The following GPR158 variants were observed in gnomAD, a reference collection of about 807,000 sequenced individuals.
GPR158 encodes metabotropic glycine receptor.
In GPR158, 30 loss-of-function variants were observed where a neutral mutation model predicts 78.2. That is an observed-to-expected ratio of 0.38 (90% CI 0.29 to 0.52). The LOEUF is 0.52. Ranked by LOEUF, GPR158 falls within the 20% of genes least tolerant of loss-of-function variation. GPR158 has a pLI of 0.83. For missense variants in GPR158, 1,463 were observed against 1,523.5 expected (o/e 0.96, Z 0.66); for synonymous variants, 581 against 591.1 (o/e 0.98, Z 0.25).
At chr10:25,221,466 A>T (rs534497468) in intron 2 of GPR158, among the ~76,000 whole-genome samples, 10 of 152,362 alleles carry the variant, frequency 6.6e-5, no homozygotes, top group Non-Finnish European at 1.3e-4. Flanking sequence ...CAGTCCCAGG[A>T]ATGGTCAAAG....
chr10:25,362,004 T>A (rs1449128255), intron 2 of GPR158, among the ~76,000 whole-genome samples: 1 of 151,936 alleles, frequency 6.6e-6, no homozygotes, highest in African/African-American at 2.4e-5. Context: ...TTATTTTTGG[T>A]TGTGTTGTCT....
chr10:25,380,639 A>G (rs1564439455), intron 2 of GPR158, among the ~76,000 whole-genome samples: 1 of 152,168 alleles, frequency 6.6e-6, no homozygotes, highest in Non-Finnish European at 1.5e-5. Flanking sequence ...TGTGTATATT[A>G]GATACTTTAA....
intron 5 of GPR158, among the ~76,000 whole-genome samples, chr10:25,484,599 A>T (rs1286669018): frequency 6.6e-6 from 1 of 152,198 alleles, no homozygotes; most frequent in East Asian, 1.9e-4. Context: ...GTTTGAGTCG[A>T]AAGATAAGAA....
At chr10:25,470,626 T>G (rs1386209659) in intron 5 of GPR158, among the ~76,000 whole-genome samples, 2 of 152,214 alleles carry the variant, frequency 1.3e-5, no homozygotes, top group African/African-American at 2.4e-5. Flanking sequence ...TTATGCATAA[T>G]AATTAGTAAC....
At position 25,521,697 on chromosome 10, in the gene GPR158, A is replaced by G. The variant is rs71495467; in HGVS notation, c.1405-29279A>G. Among the ~76,000 whole-genome samples, 814 of 152,360 alleles carry G rather than the reference A, an allele frequency of 5.3e-3. 5 individuals are homozygous for G. The highest frequency in any genetic ancestry group is 0.01 in the Middle Eastern group (3 of 294). On this transcript the variant is annotated intron_variant, in intron 5 of 10. Transcript: ENST00000376351. ...ATCTGGGGTGAAAGAGCTGCTGGTC[A>G]GTAAAACATGGAACGCTTCATGAAT...
At position 25,600,779 on chromosome 10, in the gene GPR158, A is replaced by G. The variant is rs547647334; in HGVS notation, c.*1505A>G. On this transcript the variant is annotated 3_prime_UTR_variant, in exon 11 of 11. Coordinates refer to ENST00000376351, the MANE Select transcript of GPR158 (RefSeq NM_020752.3). ...GCTCGACATGTAACATGTAAGGTCCATTTGCAAAGCAAAGCAGCCCCCAAA... is the reference window on the plus strand; with the variant it reads ...GCTCGACATGTAACATGTAAGGTCCGTTTGCAAAGCAAAGCAGCCCCCAAA... 6.6e-6 allele frequency: 1 copy of G among 152,486 alleles called. No individual in the cohort carries two copies. The highest frequency in any genetic ancestry group is 1.5e-5 in the Non-Finnish European group (1 of 68,016). The allele number at this position is 152,486 out of a possible 1,614,324, so 9.4% of individuals were successfully genotyped here. A position where few individuals can be genotyped will look rare whatever the true frequency, so the allele number is the denominator to read the frequency against.
intron 5 of GPR158, among the ~76,000 whole-genome samples, chr10:25,511,120 C>T (rs1452419434): frequency 2.0e-5 from 3 of 152,136 alleles, no homozygotes; most frequent in Admixed American, 6.5e-5. Context: ...GGACTTTCCA[C>T]GCTGTTTACA....
At chr10:25,566,789 C>G (rs1423077407) in intron 6 of GPR158, among the ~76,000 whole-genome samples, 2 of 141,462 alleles carry the variant, frequency 1.4e-5, no homozygotes, top group African/African-American at 3.1e-5. Flanking sequence ...AATTCATCCA[C>G]TGACCAAGAA....
At chr10:25,331,857 A>G (rs1855128749) in intron 2 of GPR158, among the ~76,000 whole-genome samples, 1 of 152,210 alleles carries the variant, frequency 6.6e-6, no homozygotes, top group Non-Finnish European at 1.5e-5. Context: ...GAGAGTGACA[A>G]TGGCAGTGTA....
At chr10:25,305,384 G>A (rs1240040311) in intron 2 of GPR158, among the ~76,000 whole-genome samples, 1 of 152,190 alleles carries the variant, frequency 6.6e-6, no homozygotes, top group Non-Finnish European at 1.5e-5. Context: ...ACAAGAGTAA[G>A]ATTACATCAC....
intron 2 of GPR158, among the ~76,000 whole-genome samples, chr10:25,249,559 A>C (rs923739875): frequency 9.2e-5 from 14 of 151,950 alleles, no homozygotes; most frequent in African/African-American, 3.1e-4. Flanking sequence ...TTCTGCATCT[A>C]TTGAGATAAT....
At chr10:25,483,530 G>C (rs1387143565) in intron 5 of GPR158, among the ~76,000 whole-genome samples, 1 of 151,946 alleles carries the variant, frequency 6.6e-6, no homozygotes, top group African/African-American at 2.4e-5. Context: ...TACATGCTGT[G>C]TTACTTTATT....
intron 1 of GPR158, among the ~76,000 whole-genome samples, chr10:25,184,099 G>A (rs1448261804): frequency 1.3e-5 from 2 of 152,128 alleles, no homozygotes; most frequent in Admixed American, 6.6e-5. Context: ...TCTCTTCAAC[G>A]ACAAAGTTCT....
chr10:25,373,662 T>A (rs1431597361), intron 2 of GPR158, among the ~76,000 whole-genome samples: 3 of 151,916 alleles, frequency 2.0e-5, no homozygotes, highest in Non-Finnish European at 4.4e-5. Flanking sequence ...ATTTCCTTTT[T>A]GATTTTTGAG....
intron 5 of GPR158, among the ~76,000 whole-genome samples, chr10:25,488,178 G>A (rs1835758566): frequency 6.6e-6 from 1 of 152,060 alleles, no homozygotes; most frequent in Admixed American, 6.6e-5. Flanking sequence ...CCTCTACCGT[G>A]TCCAACCATT....
chr10:25,266,492 A>T (rs1188626522), intron 2 of GPR158, among the ~76,000 whole-genome samples: 1 of 152,144 alleles, frequency 6.6e-6, no homozygotes, highest in Non-Finnish European at 1.5e-5. Context: ...TTTCTTTCTA[A>T]TGGGATTCGG....
intron 2 of GPR158, among the ~76,000 whole-genome samples, chr10:25,342,305 G>A (rs980808226): frequency 6.6e-6 from 1 of 151,572 alleles, no homozygotes; most frequent in East Asian, 1.9e-4. Flanking sequence ...AATCCCTGCT[G>A]CCTTACATCA....
At chr10:25,350,860 CA>C (rs1260910890) in intron 2 of GPR158, among the ~76,000 whole-genome samples, 1 of 152,014 alleles carries the variant, frequency 6.6e-6, no homozygotes, top group African/African-American at 2.4e-5. Context: ...CTCATCACGG[CA>C]TTTTTATTTC....
chr10:25,480,045 T>C (rs1835644628), intron 5 of GPR158, among the ~76,000 whole-genome samples: 1 of 152,154 alleles, frequency 6.6e-6, no homozygotes, highest in African/African-American at 2.4e-5. Context: ...TCTACATCCC[T>C]GCTTTCTTGG....
Sources: allele counts gnomAD v4.1 joint callset (sites outside exome capture counted in the v4.1 genomes callset), GRCh38; gene constraint gnomAD v4.1.1; transcripts MANE v1.5; gene names NCBI Gene and HGNC (gene_info 2026-07-23, HGNC 2026-07-21).